GPR20: variants seen among roughly 807,000 people sequenced by gnomAD.
GPR20 encodes G protein-coupled receptor 20.
For missense variants in GPR20, 494 were observed against 527.4 expected (o/e 0.94, Z 0.62); for synonymous variants, 241 against 241.9 (o/e 1.00, Z 0.04).
chr8:141,365,257 C>CT (rs1250990613), intron 1 of GPR20, among the ~76,000 whole-genome samples: 2 of 152,224 alleles, frequency 1.3e-5, no homozygotes, highest in African/African-American at 2.4e-5. Flanking sequence ...TTCCCAGGGT[C>CT]TTATTGACTT....
intron 1 of GPR20, 135 bp from the exon 2 acceptor site, chr8:141,358,082 C>T: frequency 1.7e-6 from 1 of 592,232 alleles, no homozygotes; most frequent in East Asian, 2.8e-5. Flanking sequence ...CTGGCTGGGG[C>T]CTCAAATGCC....
At chr8:141,359,190 C>T (rs1392611094) in intron 1 of GPR20, among the ~76,000 whole-genome samples, 1 of 152,096 alleles carries the variant, frequency 6.6e-6, no homozygotes, top group African/African-American at 2.4e-5. Context: ...GGACACTTAC[C>T]CCTTCCCCTC....
intron 1 of GPR20, among the ~76,000 whole-genome samples, chr8:141,363,268 C>T (rs764363623): frequency 2.6e-5 from 4 of 152,224 alleles, no homozygotes; most frequent in East Asian, 1.9e-4. Flanking sequence ...GGGAGGCGTG[C>T]GATATAAGAG....
chr8:141,365,233 C>G (rs913569442), intron 1 of GPR20, among the ~76,000 whole-genome samples: 2 of 152,194 alleles, frequency 1.3e-5, no homozygotes, highest in Non-Finnish European at 1.5e-5. Flanking sequence ...GAAGGGCACC[C>G]GCTGGGCTCA....
chr8:141,357,008 C>T lies in GPR20; in HGVS notation c.916G>A (p.Ala306Thr), dbSNP rs1054214067. The change falls in exon 2 of 2, where the codon GCC becomes ACC. Residue 306 changes from alanine (A) to threonine (T), a missense_variant. By Grantham distance (58) the Ala-to-Thr change is moderately conservative (BLOSUM62 0). Transcript: ENST00000377741. Reference sequence around the variant, plus strand: ...TGGCCGAAGAGGCCTCGGACGGTGGCCTGGAAGCCACTGGTGACGAAGCAG... The same window carrying T: ...TGGCCGAAGAGGCCTCGGACGGTGGTCTGGAAGCCACTGGTGACGAAGCAG... ...VYCFVTSGFQ[A>T]TVRGLFGQHG... 6.2e-7 allele frequency: 1 copy of T among 1,613,114 alleles called. No homozygotes were observed. Among genetic ancestry groups the T allele is most frequent in the African/African-American group, 1.3e-5 (1 of 75,078 alleles).
At position 141,357,662 on chromosome 8, in the gene GPR20, A is replaced by G. The variant is rs1456249538; in HGVS notation, c.262T>C (p.Ser88Pro). 13 of 1,613,404 alleles carry G rather than the reference A, an allele frequency of 8.1e-6. No individual in the cohort carries two copies. Among genetic ancestry groups the G allele is most frequent in the Non-Finnish European group, 1.1e-5 (13 of 1,179,838 alleles). The change falls in exon 2 of 2, where the codon TCA becomes CCA. Residue 88 changes from serine to proline, a missense_variant. Transcript: ENST00000377741. ...FCCRTRAKTPSVIYTINLVVT... is the reference protein window; with the variant it reads ...FCCRTRAKTPPVIYTINLVVT... ...ACCAGGTTGATGGTGTAGATGACTG[A>G]GGGTGTCTTGGCCCGGGTGCGGCAG... is the stretch of plus-strand genomic sequence containing the variant.
At chr8:141,361,010 G>C (rs575834148) in intron 1 of GPR20, among the ~76,000 whole-genome samples, 29 of 152,236 alleles carry the variant, frequency 1.9e-4, no homozygotes, top group African/African-American at 2.4e-5. Context: ...ACCTGGGTGT[G>C]GGGGAGATGG....
chr8:141,362,084 T>A (rs920042573), intron 1 of GPR20, among the ~76,000 whole-genome samples: 1 of 152,126 alleles, frequency 6.6e-6, no homozygotes, highest in African/African-American at 2.4e-5. Context: ...GGGCTGGGGA[T>A]GTGCCTCTCC....
Position 141,357,864 on chromosome 8 carries a change from C to A in GPR20, c.60G>T (p.Val20=). 6.2e-7 allele frequency: 1 copy of A among 1,610,170 alleles called. No homozygotes were observed. Among genetic ancestry groups the A allele is most frequent in the Non-Finnish European group, 8.5e-7 (1 of 1,178,120 alleles). The part of the protein sequence containing the change: ...SAGAVPNATA[V]TTVRTNASGL... ...CGCTGGCATTGGTCCGCACTGTTGTCACTGCGGTGGCATTGGGGACTGCCC... is the reference window on the plus strand; with the variant it reads ...CGCTGGCATTGGTCCGCACTGTTGTAACTGCGGTGGCATTGGGGACTGCCC... The change falls in exon 2 of 2, where the codon GTG becomes GTT. Residue 20 remains valine, a synonymous_variant. Coordinates refer to ENST00000377741, the MANE Select transcript of GPR20 (RefSeq NM_005293.3).
intron 1 of GPR20, among the ~76,000 whole-genome samples, 199 bp from the exon 2 acceptor site, chr8:141,358,146 G>A (rs1278152234): frequency 6.6e-6 from 1 of 152,250 alleles, no homozygotes; most frequent in Non-Finnish European, 1.5e-5. Context: ...AAAAGGCACA[G>A]GCTTTCAGAG....
chr8:141,357,982 AGCCT>A, intron 1 of GPR20, 35 bp from the exon 2 acceptor site: 1 of 1,110,562 alleles, frequency 9.0e-7, no homozygotes, highest in Non-Finnish European at 1.3e-6. Context: ...CCCAGGCGCC[AGCCT>A]GGCCTTAAGC....
chr8:141,358,017 T>A, intron 1 of GPR20, 70 bp from the exon 2 acceptor site: 1 of 751,476 alleles, frequency 1.3e-6, no homozygotes, highest in Non-Finnish European at 2.1e-6. Context: ...GGCCCAGAAC[T>A]CAGCTGGCCC....
intron 1 of GPR20, among the ~76,000 whole-genome samples, chr8:141,359,176 G>A (rs1328949781): frequency 6.6e-6 from 1 of 152,086 alleles, no homozygotes; most frequent in Non-Finnish European, 1.5e-5. Flanking sequence ...TGCTGGAGAA[G>A]GGAGGACACT....
intron 1 of GPR20, among the ~76,000 whole-genome samples, chr8:141,358,744 C>T (rs1831690013): frequency 6.6e-6 from 1 of 152,248 alleles, no homozygotes; most frequent in Non-Finnish European, 1.5e-5. Context: ...TCACTGGGCA[C>T]CCCAGGCTCC....
Position 141,357,287 on chromosome 8 carries a change from T to C in GPR20, c.637A>G (p.Ser213Gly). 1 of 1,542,548 alleles carries C rather than the reference T, an allele frequency of 6.5e-7. No individual in the cohort carries two copies. Among genetic ancestry groups the C allele is most frequent in the South Asian group, 1.2e-5 (1 of 84,904 alleles). The change falls in exon 2 of 2, where the codon AGC becomes GGC. Residue 213 changes from serine to glycine, a missense_variant. Physicochemically the swap from Ser to Gly is moderately conservative, Grantham distance 56. Coordinates refer to ENST00000377741, the MANE Select transcript of GPR20 (RefSeq NM_005293.3). ...LEFLLPLLVI[S>G]VFTGRIMCAL... ...CACATGATGCGGCCGGTAAACACGC[T>C]GATGACCAGCAGGGGCAGCAGGAAC...
Position 141,357,445 on chromosome 8 carries a change from C to T in GPR20, c.479G>A (p.Arg160His), listed in dbSNP as rs376723811. 149 of 1,600,242 alleles carry T rather than the reference C, an allele frequency of 9.3e-5. No individual in the cohort carries two copies. Among genetic ancestry groups the T allele is most frequent in the African/African-American group, 1.6e-4 (12 of 74,640 alleles). Reference sequence around the variant, plus strand: ...CCTGGCACAGGCAGGCTGGCGGCAGCGGCGGGAGCCTTCGGGCCGCACGAT... The same window carrying T: ...CCTGGCACAGGCAGGCTGGCGGCAGTGGCGGGAGCCTTCGGGCCGCACGAT... ...LAIVRPEGSR[R>H]CRQPACARAV... Residue 160 changes from arginine to histidine, a missense_variant, in exon 2 of 2, where the codon CGC (arginine) becomes CAC (histidine). Physicochemically the swap from Arg to His is conservative, Grantham distance 29 (BLOSUM62 0). Transcript: ENST00000377741.
At chr8:141,362,785 T>TTTC (rs1831754680) in intron 1 of GPR20, among the ~76,000 whole-genome samples, 1 of 115,718 alleles carries the variant, frequency 8.6e-6, no homozygotes, top group African/African-American at 7.7e-5. Flanking sequence ...TCTTTCTTTC[T>TTTC]TTTTTTTTTT....
At position 141,357,215 on chromosome 8, in the gene GPR20, CGCGGCGCTG is replaced by C. The variant is rs1563704797; in HGVS notation, c.700_708del (p.Gln234_Arg236del). On this transcript the variant is annotated inframe_deletion, in exon 2 of 2. Transcript: ENST00000377741. Reference sequence around the variant, plus strand: ...GTGAGCAGGAGCTGCATGGCCCGCACGCGGCGCTGGCGACCCTGGTGGAGCAGACCCGGC... The same window carrying C: ...GTGAGCAGGAGCTGCATGGCCCGCACGCGACCCTGGTGGAGCAGACCCGGC... The C allele has an allele frequency of 6.4e-7, 1 of 1,567,658 alleles. No homozygotes were observed. The highest frequency in any genetic ancestry group is 8.6e-7 in the Non-Finnish European group (1 of 1,159,900).
intron 1 of GPR20, among the ~76,000 whole-genome samples, chr8:141,365,181 G>A (rs767208982): frequency 1.3e-5 from 2 of 152,194 alleles, no homozygotes; most frequent in Non-Finnish European, 2.9e-5. Context: ...CTAGTGCCCT[G>A]GATGCCCCTG....
Sources: gnomAD v4.1 joint callset for allele counts (sites outside exome capture counted in the v4.1 genomes callset) on GRCh38, gnomAD v4.1.1 for gene constraint, MANE v1.5 for transcripts, NCBI Gene and HGNC (gene_info 2026-07-23, HGNC 2026-07-21) for gene names.